CTNNA3: variants seen among roughly 807,000 people sequenced by gnomAD.
CTNNA3 encodes catenin alpha-3.
In CTNNA3, 76 loss-of-function variants were observed where a neutral mutation model predicts 95.7. The ratio of observed to expected loss-of-function variants is 0.79; its 90% CI spans 0.66 to 0.96. The LOEUF (loss-of-function observed/expected upper bound fraction) is 0.96, where lower values mean the gene tolerates loss of function less well. Ranked by LOEUF, CTNNA3 falls within the 40% of genes least tolerant of loss-of-function variation. The pLI is 0.00. For synonymous variants in CTNNA3, 431 were observed against 374.4 expected (o/e 1.15, Z -1.74); for missense variants, 1,191 against 1,089.8 (o/e 1.09, Z -1.31).
intron 10 of CTNNA3, among the ~76,000 whole-genome samples, chr10:66,595,616 C>T (rs188773512): frequency 5.3e-5 from 8 of 152,058 alleles, no homozygotes; most frequent in African/African-American, 2.4e-5. Flanking sequence ...GGATTATAGG[C>T]GTCAGCCACC....
intron 7 of CTNNA3, among the ~76,000 whole-genome samples, chr10:66,965,183 A>G (rs1849330263): frequency 6.6e-6 from 1 of 152,066 alleles, no homozygotes; most frequent in African/African-American, 2.4e-5. Context: ...CCCTGGATTT[A>G]GGTACTAGTC....
At chr10:66,799,219 A>C (rs967080529) in intron 7 of CTNNA3, among the ~76,000 whole-genome samples, 5 of 151,650 alleles carry the variant, frequency 3.3e-5, no homozygotes, top group Admixed American at 1.3e-4. Context: ...AAAAATAAAT[A>C]GTCATGTAAA....
At chr10:67,573,905 A>C (rs928513846) in intron 3 of CTNNA3, among the ~76,000 whole-genome samples, 2 of 152,234 alleles carry the variant, frequency 1.3e-5, no homozygotes, top group African/African-American at 4.8e-5. Flanking sequence ...AAAGTAAATG[A>C]GAATAATTAT....
Position 66,972,169 on chromosome 10 carries a change from A to G in CTNNA3, c.1048-196645T>C, listed in dbSNP as rs141260023. 3.3e-3 allele frequency among the ~76,000 whole-genome samples: 505 copies of G among 152,250 alleles called. 6 individuals are homozygous for G. Among genetic ancestry groups the G allele is most frequent in the East Asian group, 7.2e-3 (37 of 5,168 alleles). On this transcript the variant is annotated intron_variant, in intron 7 of 17. Transcript: ENST00000433211. ...CAAATTAACAACATATAGTCAATTTATTGTGGTTTTCCAGTTTCACTGGAA... is the reference window on the plus strand; with the variant it reads ...CAAATTAACAACATATAGTCAATTTGTTGTGGTTTTCCAGTTTCACTGGAA...
chr10:66,505,560 G>C (rs72791600), intron 11 of CTNNA3, among the ~76,000 whole-genome samples: 1 of 151,856 alleles, frequency 6.6e-6, no homozygotes, highest in South Asian at 2.1e-4. Context: ...TCACTGGCCT[G>C]TCCTGACAAG....
chr10:66,417,108 T>A (rs1184879779), intron 11 of CTNNA3, among the ~76,000 whole-genome samples: 1 of 151,940 alleles, frequency 6.6e-6, no homozygotes, highest in South Asian at 2.1e-4. Context: ...GAATGGATTT[T>A]AAAAAAATGA....
chr10:67,376,614 C>A (rs181164049), intron 5 of CTNNA3, among the ~76,000 whole-genome samples: 185 of 152,250 alleles, frequency 1.2e-3, no homozygotes, highest in Admixed American at 5.6e-3. Context: ...TTAATTGACC[C>A]ACTGTTCACA....
chr10:67,373,559 A>G (rs939999091), intron 5 of CTNNA3, among the ~76,000 whole-genome samples: 1 of 152,214 alleles, frequency 6.6e-6, no homozygotes, highest in African/African-American at 2.4e-5. Context: ...AACATTAGAC[A>G]GATCCATGAG....
intron 5 of CTNNA3, among the ~76,000 whole-genome samples, chr10:67,387,584 T>A (rs1230958044): frequency 1.3e-5 from 2 of 152,206 alleles, no homozygotes; most frequent in Non-Finnish European, 2.9e-5. Context: ...TGCCTGCCTC[T>A]GTAGGCTCCA....
chr10:67,382,463 G>A (rs938503742), intron 5 of CTNNA3, among the ~76,000 whole-genome samples: 31 of 151,930 alleles, frequency 2.0e-4, no homozygotes, highest in East Asian at 1.7e-3. Context: ...ACTAACAAAG[G>A]TTCATGTGAT....
chr10:66,790,844 C>T (rs1484992815), intron 7 of CTNNA3, among the ~76,000 whole-genome samples: 1 of 152,206 alleles, frequency 6.6e-6, no homozygotes, highest in Non-Finnish European at 1.5e-5. Context: ...GATCCCCTCA[C>T]TGTCAGCCGT....
At chr10:67,727,998 T>C (rs1841250859) in intron 1 of CTNNA3, among the ~76,000 whole-genome samples, 1 of 139,924 alleles carries the variant, frequency 7.1e-6, no homozygotes, top group Admixed American at 7.6e-5. Context: ...TGTATACATG[T>C]ATATTATGTA....
At chr10:66,929,829 C>T (rs1462245624) in intron 7 of CTNNA3, among the ~76,000 whole-genome samples, 1 of 152,180 alleles carries the variant, frequency 6.6e-6, no homozygotes, top group Non-Finnish European at 1.5e-5. Flanking sequence ...ATTTGAGTAA[C>T]TTGAACCACA....
At chr10:66,871,258 C>T (rs1448141512) in intron 7 of CTNNA3, among the ~76,000 whole-genome samples, 1 of 152,228 alleles carries the variant, frequency 6.6e-6, no homozygotes, top group Non-Finnish European at 1.5e-5. Context: ...TATCACTCTG[C>T]TTTATACAAA....
At chr10:66,431,614 G>A (rs1427826416) in intron 11 of CTNNA3, among the ~76,000 whole-genome samples, 2 of 151,920 alleles carry the variant, frequency 1.3e-5, no homozygotes, top group African/African-American at 4.8e-5. Context: ...GATGAAGCTG[G>A]AAACCATCAT....
At chr10:66,411,923 G>A (rs1288244095) in intron 11 of CTNNA3, among the ~76,000 whole-genome samples, 1 of 152,116 alleles carries the variant, frequency 6.6e-6, no homozygotes, top group Non-Finnish European at 1.5e-5. Context: ...ATTCCGAGGA[G>A]CTCTGAAGCC....
At chr10:66,149,760 C>A (rs941628690) in intron 13 of CTNNA3, among the ~76,000 whole-genome samples, 2 of 146,222 alleles carry the variant, frequency 1.4e-5, no homozygotes, top group African/African-American at 4.9e-5. Context: ...AATTACAGTT[C>A]TTTATAAATT....
At chr10:67,136,294 A>C (rs1564915736) in intron 7 of CTNNA3, among the ~76,000 whole-genome samples, 1 of 152,060 alleles carries the variant, frequency 6.6e-6, no homozygotes, top group Non-Finnish European at 1.5e-5. Context: ...ATAAAGATTT[A>C]TGTGTGTGCT....
chr10:67,193,716 A>G (rs749102381), intron 6 of CTNNA3, among the ~76,000 whole-genome samples: 1 of 152,064 alleles, frequency 6.6e-6, no homozygotes, highest in Non-Finnish European at 1.5e-5. Flanking sequence ...TATATGTATG[A>G]GATTTTCTTT....
Sources: gnomAD v4.1 joint callset for allele counts (sites outside exome capture counted in the v4.1 genomes callset) on GRCh38, gnomAD v4.1.1 for gene constraint, MANE v1.5 for transcripts, NCBI Gene and HGNC (gene_info 2026-07-23, HGNC 2026-07-21) for gene names.